Variants in CCDC91 observed in about 807,000 individuals in gnomAD.
The protein encoded by CCDC91 is coiled-coil domain containing 91.
A neutral mutation model predicts 63.2 loss-of-function variants in CCDC91; 48 were observed. That is an observed-to-expected ratio of 0.76 (90% CI 0.60 to 0.97). The LOEUF is 0.97. Ranked by LOEUF, CCDC91 falls within the 50% of genes least tolerant of loss-of-function variation. CCDC91 has a pLI of 0.00. For synonymous variants in CCDC91, 167 were observed against 165.8 expected, an observed-to-expected ratio of 1.01 and a Z score of -0.06; for missense variants, 500 against 494.6, an observed-to-expected ratio of 1.01 and a Z score of -0.10.
At chr12:28,389,306 A>T (rs971909843) in intron 7 of CCDC91, among the ~76,000 whole-genome samples, 3 of 151,716 alleles carry the variant, frequency 2.0e-5, no homozygotes, top group Non-Finnish European at 2.9e-5. Flanking sequence ...GAAGACTTTT[A>T]AAAAAAAATC....
chr12:28,267,828 T>TA (rs1226016364), intron 3 of CCDC91, among the ~76,000 whole-genome samples: 375 of 17,058 alleles, frequency 0.022, 28 homozygotes, highest in Middle Eastern at 0.056. Flanking sequence ...ATATTATTAA[T>TA]ATATAATTAT....
intron 5 of CCDC91, 149 bp from the exon 6 acceptor site, chr12:28,307,496 G>A: frequency 5.6e-6 from 3 of 534,458 alleles, no homozygotes; most frequent in East Asian, 3.3e-5. Context: ...TTAGAGTGAA[G>A]CATATAATTT....
At chr12:28,298,794 A>AT (rs1937718959) in intron 3 of CCDC91, among the ~76,000 whole-genome samples, 2 of 150,910 alleles carry the variant, frequency 1.3e-5, no homozygotes, top group Admixed American at 1.3e-4. Flanking sequence ...ATATATATAT[A>AT]AGAGCTTTGC....
chr12:28,521,324 C>G (rs1204290376), intron 12 of CCDC91, among the ~76,000 whole-genome samples: 2 of 152,026 alleles, frequency 1.3e-5, no homozygotes, highest in African/African-American at 2.4e-5. Context: ...ATTTTATTCT[C>G]TTTGAAGCAA....
chr12:28,377,869 T>G (rs1368229902), intron 7 of CCDC91, among the ~76,000 whole-genome samples: 1 of 152,016 alleles, frequency 6.6e-6, no homozygotes, highest in East Asian at 1.9e-4. Context: ...ATATTCCAGA[T>G]GGCAAAAACC....
At chr12:28,435,636 T>C (rs1468382147) in intron 8 of CCDC91, among the ~76,000 whole-genome samples, 1 of 151,854 alleles carries the variant, frequency 6.6e-6, no homozygotes, top group Non-Finnish European at 1.5e-5. Flanking sequence ...TTGATGACAG[T>C]TTTGTTCAGT....
chr12:28,351,127 T>C (rs184980611), intron 6 of CCDC91, among the ~76,000 whole-genome samples: 50 of 152,268 alleles, frequency 3.3e-4, no homozygotes, highest in African/African-American at 1.2e-3. Flanking sequence ...AGCTTTACAT[T>C]GAAAATCTCA....
Position 28,309,206 on chromosome 12 carries a change from C to T in CCDC91, c.576+1457C>T, listed in dbSNP as rs561317006. Among the ~76,000 whole-genome samples the T allele has an allele frequency of 8.5e-5, 13 of 152,072 alleles. No homozygotes were observed. The South Asian group carries it at 2.5e-3, about 29-fold the overall frequency. On this transcript the variant is annotated intron_variant, in intron 6 of 12. Coordinates refer to ENST00000536442, the MANE Select transcript of CCDC91 (RefSeq NM_018318.5). ...CGCAGGCAGTGTGTCTTTTCAGTGC[C>T]TGTGATGACATTGTTTAATGTGCCC...
chr12:28,496,943 CAT>C (rs140551640), intron 12 of CCDC91, among the ~76,000 whole-genome samples: 8,050 of 137,922 alleles, frequency 0.058, 251 homozygotes, highest in Non-Finnish European at 0.063. Context: ...TATATATATA[CAT>C]ATATATATAT....
At chr12:28,252,601 C>G (rs1946196443) in intron 1 of CCDC91, among the ~76,000 whole-genome samples, 1 of 152,046 alleles carries the variant, frequency 6.6e-6, no homozygotes, top group South Asian at 2.1e-4. Flanking sequence ...ATTTTCTCCC[C>G]TGAAATTAGG....
intron 1 of CCDC91, among the ~76,000 whole-genome samples, chr12:28,244,134 C>G (rs761455060): frequency 5.3e-5 from 8 of 152,014 alleles, no homozygotes; most frequent in Non-Finnish European, 8.8e-5. Context: ...TAAATGTAAG[C>G]AACATTTACA....
At position 28,520,452 on chromosome 12, in the gene CCDC91, T is replaced by A. The variant is rs564244573; in HGVS notation, c.1216-28611T>A. Among the ~76,000 whole-genome samples the A allele has an allele frequency of 3.3e-5, 5 of 152,308 alleles. 1 individual carries two copies. The South Asian group carries it at 1.0e-3, about 32-fold the overall frequency. ...TTTCTTGTAAATTTGTTTAAGTTCTTTGTAGATTCTGGATATTAGCCCTTT... is the reference window on the plus strand; with the variant it reads ...TTTCTTGTAAATTTGTTTAAGTTCTATGTAGATTCTGGATATTAGCCCTTT... On this transcript the variant is annotated intron_variant, in intron 12 of 12. Coordinates refer to ENST00000536442, the MANE Select transcript of CCDC91 (RefSeq NM_018318.5).
At chr12:28,452,962 T>G (rs1427485606) in intron 11 of CCDC91, among the ~76,000 whole-genome samples, 2 of 151,874 alleles carry the variant, frequency 1.3e-5, no homozygotes, top group Admixed American at 6.6e-5. Context: ...GTGTTGTTTT[T>G]CCTTTTCTCA....
chr12:28,303,744 A>G (rs1008031653), intron 3 of CCDC91, among the ~76,000 whole-genome samples: 6 of 152,128 alleles, frequency 3.9e-5, no homozygotes. Flanking sequence ...TGCCCATTTT[A>G]TAGATGAGAA....
intron 8 of CCDC91, among the ~76,000 whole-genome samples, chr12:28,445,160 G>A (rs1216072836): frequency 6.6e-6 from 1 of 152,126 alleles, no homozygotes; most frequent in East Asian, 1.9e-4. Context: ...AATATCAAAT[G>A]AGTGATAATT....
At chr12:28,273,205 T>C (rs1281118307) in intron 3 of CCDC91, among the ~76,000 whole-genome samples, 5 of 152,154 alleles carry the variant, frequency 3.3e-5, no homozygotes, top group Non-Finnish European at 7.3e-5. Flanking sequence ...TTCCATGGTG[T>C]ATATGTGCCA....
chr12:28,300,573 C>G (rs959884199), intron 3 of CCDC91, among the ~76,000 whole-genome samples: 1 of 151,306 alleles, frequency 6.6e-6, no homozygotes, highest in African/African-American at 2.4e-5. Context: ...CCTCATATAG[C>G]TTTTCTCTTT....
chr12:28,198,400 A>G (rs983925777), intron 1 of CCDC91, among the ~76,000 whole-genome samples: 7 of 152,242 alleles, frequency 4.6e-5, no homozygotes, highest in African/African-American at 1.7e-4. Flanking sequence ...AGTAAAAGAT[A>G]GTGATTAAAG....
At chr12:28,192,940 T>C (rs1481706480) in intron 1 of CCDC91, among the ~76,000 whole-genome samples, 1 of 152,220 alleles carries the variant, frequency 6.6e-6, no homozygotes, top group Admixed American at 6.5e-5. Context: ...ACTGATCTGT[T>C]CTCTGTCCCT....
Sources: allele counts gnomAD v4.1 joint callset (sites outside exome capture counted in the v4.1 genomes callset), GRCh38; gene constraint gnomAD v4.1.1; transcripts MANE v1.5; gene names NCBI Gene and HGNC (gene_info 2026-07-23, HGNC 2026-07-21).